The following DLGAP2 variants were observed in gnomAD, a reference collection of about 807,000 sequenced individuals.
DLGAP2 encodes the protein disks large-associated protein 2.
Under a neutral mutation model 100.3 loss-of-function variants are expected in DLGAP2, and 26 were observed. That is an observed-to-expected ratio of 0.26 (90% CI 0.19 to 0.36). The LOEUF is 0.36. Ranked by LOEUF, DLGAP2 falls within the 10% of genes least tolerant of loss-of-function variation. The pLI is 1.00. For missense variants in DLGAP2, 1,858 were observed against 1,453.2 expected, an observed-to-expected ratio of 1.28 and a Z score of -4.53; for synonymous variants, 886 against 630.1, an observed-to-expected ratio of 1.41 and a Z score of -6.08.
intron 2 of DLGAP2, among the ~76,000 whole-genome samples, chr8:1,045,377 T>G (rs1802487000): frequency 6.6e-6 from 1 of 152,246 alleles, no homozygotes; most frequent in Non-Finnish European, 1.5e-5. Context: ...TTAAAGTTGA[T>G]AAATACAAAT....
chr8:1,089,140 G>A (rs1804086637), intron 2 of DLGAP2, among the ~76,000 whole-genome samples: 1 of 149,062 alleles, frequency 6.7e-6, no homozygotes, highest in African/African-American at 2.5e-5. Flanking sequence ...TCATCCAGCA[G>A]GCTATGCAAT....
In DLGAP2 at chr8:1,066,345, C is replaced by T. The variant is rs561011469; in HGVS notation, c.73+158379C>T. Among the ~76,000 whole-genome samples, 22 of 150,702 alleles carry T rather than the reference C, an allele frequency of 1.5e-4. 1 individual carries two copies. In the South Asian group the frequency reaches 4.6e-3, roughly 32 times the overall value. ...GCAGGTCTGAGCGAGGGCAGCTCCT[C>T]ACCACGGTCAGGTCTGAGTGAGGAC... On this transcript the variant is annotated intron_variant, in intron 2 of 14. Transcript: ENST00000637795.
At chr8:1,423,558 G>A (rs185961653) in intron 3 of DLGAP2, among the ~76,000 whole-genome samples, 6 of 152,380 alleles carry the variant, frequency 3.9e-5, no homozygotes, top group Admixed American at 3.3e-4. Context: ...TGTTGACTGT[G>A]AGTGGCTTTG....
rs917789063 is a variant in DLGAP2 at position 1,061,841 on chromosome 8, G to A, written c.73+153875G>A. On this transcript the variant is annotated intron_variant, in intron 2 of 14. Coordinates refer to ENST00000637795, the MANE Select transcript of DLGAP2 (RefSeq NM_001346810.2). ...TTTCAGACACCAGGGAGCACGAGAC[G>A]TCGCTGGGAGGAGCTGCTCTGTGTG... Among the ~76,000 whole-genome samples, 5 of 152,010 alleles carry A rather than the reference G, an allele frequency of 3.3e-5. No homozygotes were observed. In the South Asian group the frequency reaches 6.2e-4, roughly 19 times the overall value.
At chr8:1,694,439 G>C (rs965228100) in intron 13 of DLGAP2, among the ~76,000 whole-genome samples, 4 of 152,360 alleles carry the variant, frequency 2.6e-5, no homozygotes, top group Admixed American at 2.6e-4. Context: ...ACAGGGAGCG[G>C]AGCCTTTCGG....
chr8:986,094 G>A (rs925988052), intron 2 of DLGAP2, among the ~76,000 whole-genome samples: 6 of 152,220 alleles, frequency 3.9e-5, no homozygotes, highest in East Asian at 1.9e-4. Context: ...CACGTTATTA[G>A]GGGGGAGTAT....
intron 3 of DLGAP2, among the ~76,000 whole-genome samples, chr8:1,467,438 A>C (rs1271167199): frequency 7.0e-6 from 1 of 142,996 alleles, no homozygotes; most frequent in Non-Finnish European, 1.5e-5. Flanking sequence ...GAGACCCAGG[A>C]CCCCCACTCA....
chr8:1,475,966 C>G (rs1335339158), intron 3 of DLGAP2, among the ~76,000 whole-genome samples: 2 of 152,118 alleles, frequency 1.3e-5, no homozygotes, highest in East Asian at 3.9e-4. Flanking sequence ...TGTAGTTACT[C>G]TTCTCAAGTT....
chr8:920,778 C>G (rs1397027014), intron 2 of DLGAP2, among the ~76,000 whole-genome samples: 1 of 152,104 alleles, frequency 6.6e-6, no homozygotes, highest in Non-Finnish European at 1.5e-5. Flanking sequence ...GAGCGGAACC[C>G]TGTCTCAAAA....
chr8:1,034,530 TC>T (rs1802075557), intron 2 of DLGAP2, among the ~76,000 whole-genome samples: 1 of 89,676 alleles, frequency 1.1e-5, no homozygotes, highest in Non-Finnish European at 2.1e-5. Flanking sequence ...CACACCCTCA[TC>T]CCGACCCCGC....
chr8:1,173,307 A>C (rs7832141), intron 2 of DLGAP2, among the ~76,000 whole-genome samples: 5,266 of 152,302 alleles, frequency 0.035, 336 homozygotes, highest in African/African-American at 0.12. Flanking sequence ...GGGTGCCTCC[A>C]GTTAGGCTGC....
intron 1 of DLGAP2, among the ~76,000 whole-genome samples, chr8:776,584 T>A (rs1397943028): frequency 6.6e-6 from 1 of 152,244 alleles, no homozygotes; most frequent in Non-Finnish European, 1.5e-5. Flanking sequence ...AACATCTTTA[T>A]TTCTGCCTTC....
chr8:1,513,085 C>T (rs554349504), intron 4 of DLGAP2, among the ~76,000 whole-genome samples: 1 of 151,558 alleles, frequency 6.6e-6, no homozygotes, highest in East Asian at 2.0e-4. Context: ...TCTGCCTTTC[C>T]CAGTGCAGGG....
intron 2 of DLGAP2, among the ~76,000 whole-genome samples, chr8:1,053,045 C>G (rs1444507106): frequency 6.6e-6 from 1 of 152,096 alleles, no homozygotes; most frequent in Non-Finnish European, 1.5e-5. Context: ...TTCAGCTGCC[C>G]CTTGAATTTA....
At chr8:1,443,821 A>G (rs1797907774) in intron 3 of DLGAP2, among the ~76,000 whole-genome samples, 1 of 152,178 alleles carries the variant, frequency 6.6e-6, no homozygotes, top group Non-Finnish European at 1.5e-5. Flanking sequence ...ACAATTCAAG[A>G]TGAGATTTGG....
chr8:1,322,442 G>A (rs114746702), intron 3 of DLGAP2, among the ~76,000 whole-genome samples: 1,621 of 152,054 alleles, frequency 0.011, 32 homozygotes, highest in African/African-American at 0.037. Flanking sequence ...GACTTCACGC[G>A]TGTGGATCCG....
chr8:829,291 T>C (rs957845479), intron 1 of DLGAP2, among the ~76,000 whole-genome samples: 2 of 152,214 alleles, frequency 1.3e-5, no homozygotes, highest in Non-Finnish European at 2.9e-5. Flanking sequence ...TAGTTCAGAT[T>C]TGTCAGTCTC....
At chr8:1,185,127 A>G (rs1171209397) in intron 2 of DLGAP2, among the ~76,000 whole-genome samples, 2 of 152,066 alleles carry the variant, frequency 1.3e-5, no homozygotes, top group African/African-American at 4.8e-5. Flanking sequence ...GCACCCTGGC[A>G]CTGGTGGCGA....
intron 3 of DLGAP2, among the ~76,000 whole-genome samples, chr8:1,286,111 T>A (rs369835913): frequency 6.6e-6 from 1 of 152,206 alleles, no homozygotes; most frequent in African/African-American, 2.4e-5. Context: ...GTGGAGATCA[T>A]TGAATCATGG....
Sources: allele counts gnomAD v4.1 joint callset (sites outside exome capture counted in the v4.1 genomes callset), GRCh38; gene constraint gnomAD v4.1.1; transcripts MANE v1.5; gene names NCBI Gene and HGNC (gene_info 2026-07-23, HGNC 2026-07-21).